Variants in P4HA2 observed in about 807,000 individuals in gnomAD.
P4HA2 encodes prolyl 4-hydroxylase subunit alpha 2, also known as prolyl 4-hydroxylase subunit alpha-2.
A neutral mutation model predicts 76.9 loss-of-function variants in P4HA2; 46 were observed. The observed-to-expected ratio is 0.60, with a 90% confidence interval of 0.47 to 0.76. The LOEUF (loss-of-function observed/expected upper bound fraction) is 0.76. Among genes scored for constraint, P4HA2 ranks in the 30% least tolerant of loss-of-function variants. The pLI is 0.00. For synonymous variants in P4HA2, 243 were observed against 254.0 expected (o/e 0.96, Z 0.41); for missense variants, 583 against 669.4 (o/e 0.87, Z 1.42).
At chr5:132,195,325 G>A in intron 13 of P4HA2, 87 bp downstream of exon 13, 1 of 985,264 alleles carries the variant, frequency 1.0e-6, no homozygotes, top group African/African-American at 1.6e-5. Flanking sequence ...TGACAATCAG[G>A]CAGGCCAGGT....
At position 132,209,349 on chromosome 5, in the gene P4HA2, T is replaced by C. The variant is rs375833543; in HGVS notation, c.710-18A>G. ...GCTTGGGTCTAGAAAATGCAAGGAA[T>C]GAGAAGGAAAAGGAAACCACAAACA... On this transcript the variant is annotated intron_variant, in intron 6 of 14. Coordinates refer to ENST00000360568, the MANE Select transcript of P4HA2 (RefSeq NM_001017974.2). 3.7e-6 allele frequency: 6 copies of C among 1,601,886 alleles called. No individual in the cohort carries two copies. The highest frequency in any genetic ancestry group is 5.1e-6 in the Non-Finnish European group (6 of 1,172,146).
At chr5:132,208,763 G>A (rs1041139214) in intron 7 of P4HA2, among the ~76,000 whole-genome samples, 1 of 151,936 alleles carries the variant, frequency 6.6e-6, no homozygotes, top group African/African-American at 2.4e-5. Flanking sequence ...CCAAGCTCTA[G>A]TACACGCTGG....
intron 1 of P4HA2, among the ~76,000 whole-genome samples, chr5:132,225,545 G>A (rs1755266653): frequency 6.6e-6 from 1 of 152,214 alleles, no homozygotes; most frequent in African/African-American, 2.4e-5. Context: ...TCACAGCCGG[G>A]CTCCTCCCCT....
intron 9 of P4HA2, 71 bp from the exon 10 acceptor site, chr5:132,203,918 C>A (rs1751847705): frequency 1.6e-6 from 2 of 1,271,036 alleles, no homozygotes; most frequent in South Asian, 2.4e-5. Context: ...GAACTCTGTC[C>A]CCAGAGTCAG....
Position 132,207,755 on chromosome 5 carries a change from T to G in P4HA2, c.1033A>C (p.Met345Leu), listed in dbSNP as rs753657253. The change falls in exon 8 of 15, where the codon ATG becomes CTG. Residue 345 changes from methionine (M) to leucine (L), a missense_variant. Coordinates refer to ENST00000360568, the MANE Select transcript of P4HA2 (RefSeq NM_001017974.2). ...ATCCTCTCGATTTCCTCATCAGACATGACATCGTAGTACCTGACGATGTGC... is the reference window on the plus strand; with the variant it reads ...ATCCTCTCGATTTCCTCATCAGACAGGACATCGTAGTACCTGACGATGTGC... ...SPHIVRYYDV[M>L]SDEEIERIKE... 1.2e-6 allele frequency: 2 copies of G among 1,613,964 alleles called. No individual in the cohort carries two copies. Among genetic ancestry groups the G allele is most frequent in the Admixed American group, 3.3e-5 (2 of 60,010 alleles).
intron 9 of P4HA2, 35 bp downstream of exon 9, chr5:132,204,047 G>A (rs761401317): frequency 6.4e-7 from 1 of 1,557,596 alleles, no homozygotes; most frequent in Non-Finnish European, 8.9e-7. Context: ...TGAAGTTGGG[G>A]CTTGAGCAGC....
chr5:132,203,637 A>C, intron 10 of P4HA2, 111 bp downstream of exon 10: 1 of 699,166 alleles, frequency 1.4e-6, no homozygotes, highest in Non-Finnish European at 2.6e-6. Flanking sequence ...TCATAGCATC[A>C]GGCAGTAGTC....
intron 14 of P4HA2, chr5:132,193,301 G>T (rs188480026): frequency 4.2e-6 from 2 of 471,898 alleles, no homozygotes; most frequent in African/African-American, 2.0e-5. Context: ...CATGTGTGCA[G>T]GTTGCCATGG....
intron 4 of P4HA2, among the ~76,000 whole-genome samples, chr5:132,215,189 G>C (rs1268536446): frequency 6.6e-6 from 1 of 152,222 alleles, no homozygotes; most frequent in Non-Finnish European, 1.5e-5. Context: ...TTAGAATCTG[G>C]TGGGGTGGGA....
chr5:132,198,694 G>T (rs934092177), intron 11 of P4HA2, among the ~76,000 whole-genome samples, 185 bp downstream of exon 11: 1 of 152,178 alleles, frequency 6.6e-6, no homozygotes, highest in Non-Finnish European at 1.5e-5. Flanking sequence ...ACTGCATTCT[G>T]CAGGACCCTT....
intron 1 of P4HA2, among the ~76,000 whole-genome samples, chr5:132,226,543 C>A (rs542642174): frequency 2.0e-5 from 3 of 152,194 alleles, no homozygotes; most frequent in African/African-American, 7.2e-5. Context: ...GATCTTGGCT[C>A]ACTGCAACCT....
chr5:132,217,942 C>T (rs1754156091), intron 2 of P4HA2, 94 bp from the exon 3 acceptor site: 1 of 728,062 alleles, frequency 1.4e-6, no homozygotes, highest in East Asian at 2.5e-5. Context: ...AGAAGCAAGT[C>T]CCCTGGGATA....
chr5:132,217,992 T>A, intron 2 of P4HA2, 144 bp from the exon 3 acceptor site: 1 of 573,690 alleles, frequency 1.7e-6, no homozygotes, highest in South Asian at 2.4e-5. Context: ...GGACTTGGAG[T>A]TAAAGGGGGC....
intron 3 of P4HA2, 180 bp from the exon 4 acceptor site, chr5:132,217,528 G>A (rs1011979136): frequency 3.1e-6 from 2 of 649,772 alleles, no homozygotes; most frequent in Admixed American, 2.8e-5. Flanking sequence ...CTAGATAACA[G>A]CTGGGACCCC....
intron 1 of P4HA2, among the ~76,000 whole-genome samples, chr5:132,219,021 T>C (rs1561495572): frequency 6.6e-6 from 1 of 152,230 alleles, no homozygotes; most frequent in Non-Finnish European, 1.5e-5. Flanking sequence ...TTTGTTTCTA[T>C]CTTACCTTCC....
chr5:132,220,771 G>C (rs1754550788), intron 1 of P4HA2, among the ~76,000 whole-genome samples: 1 of 151,474 alleles, frequency 6.6e-6, no homozygotes, highest in Non-Finnish European at 1.5e-5. Flanking sequence ...ATAGGGTTTG[G>C]GCAGAGCCTC....
At chr5:132,208,278 G>T (rs175091) in intron 7 of P4HA2, among the ~76,000 whole-genome samples, 12,090 of 145,872 alleles carry the variant, frequency 0.083, 564 homozygotes, top group East Asian at 0.11. Context: ...GGGCGACAGG[G>T]TGAGACGAAA....
chr5:132,197,338 T>G (rs1750778373), intron 12 of P4HA2, among the ~76,000 whole-genome samples: 1 of 152,164 alleles, frequency 6.6e-6, no homozygotes, highest in African/African-American at 2.4e-5. Context: ...CAGGGCGCAG[T>G]GGCTCACGCC....
intron 12 of P4HA2, among the ~76,000 whole-genome samples, chr5:132,196,860 CA>C (rs34410092): frequency 3.7e-3 from 374 of 99,994 alleles, no homozygotes; most frequent in Middle Eastern, 0.027. Context: ...GAGTCTGTCT[CA>C]AAAAAAAAAA....
Sources: allele counts gnomAD v4.1 joint callset (sites outside exome capture counted in the v4.1 genomes callset), GRCh38; gene constraint gnomAD v4.1.1; transcripts MANE v1.5; gene names NCBI Gene and HGNC (gene_info 2026-07-23, HGNC 2026-07-21).